FUCA1: variants seen among roughly 807,000 people sequenced by gnomAD.
The protein encoded by FUCA1 is tissue alpha-L-fucosidase.
FUCA1 carries 52 observed loss-of-function variants against 56.8 expected under a neutral mutation model. The observed-to-expected ratio is 0.92, with a 90% CI of 0.73 to 1.15. The LOEUF is 1.15. Ranked by LOEUF, FUCA1 falls within the 50% of genes most tolerant of loss-of-function variation. The pLI is 0.00. For missense variants in FUCA1, 568 were observed against 592.6 expected (o/e 0.96, Z 0.43); for synonymous variants, 230 against 226.6 (o/e 1.02, Z -0.14).
At chr1:23,862,978 G>C (rs138123333) in intron 3 of FUCA1, among the ~76,000 whole-genome samples, 156 bp downstream of exon 3, 1 of 152,186 alleles carries the variant, frequency 6.6e-6, no homozygotes, top group African/African-American at 2.4e-5. Flanking sequence ...CAGGAGGAAA[G>C]AACATATTTT....
At chr1:23,857,343 T>C (rs1570682310) in intron 4 of FUCA1, among the ~76,000 whole-genome samples, 1 of 152,076 alleles carries the variant, frequency 6.6e-6, no homozygotes, top group East Asian at 1.9e-4. Context: ...GTTTCCAAGG[T>C]GAATAAAACA....
chr1:23,851,454 C>T (rs1193782350), intron 5 of FUCA1, among the ~76,000 whole-genome samples: 3 of 152,106 alleles, frequency 2.0e-5, no homozygotes, highest in East Asian at 1.9e-4. Flanking sequence ...AGGACCTCTG[C>T]ACAACTTTCT....
At position 23,854,408 on chromosome 1, in the gene FUCA1, A is replaced by G; in HGVS notation, c.921T>C (p.Arg307=). The change falls in exon 5 of 8, where the codon CGT becomes CGC. Residue 307 remains arginine (R), a synonymous_variant. Transcript: ENST00000374479. ...TAACATCAGACAATGCCATGTCACG[A>G]CGATAGCCCCAGGAAAACTTGTCAA... ...TSIDKFSWGY[R]RDMALSDVTE... 1 of 1,614,022 alleles carries G rather than the reference A, an allele frequency of 6.2e-7. No individual in the cohort carries two copies. Among genetic ancestry groups the G allele is most frequent in the Non-Finnish European group, 8.5e-7 (1 of 1,180,008 alleles).
At chr1:23,853,474 G>A (rs566057984) in intron 5 of FUCA1, among the ~76,000 whole-genome samples, 8 of 150,540 alleles carry the variant, frequency 5.3e-5, no homozygotes, top group African/African-American at 2.4e-5. Context: ...CAGCCGCCCG[G>A]TCCGGGAGGT....
intron 4 of FUCA1, among the ~76,000 whole-genome samples, chr1:23,856,885 G>A (rs1347770399): frequency 6.6e-6 from 1 of 151,926 alleles, no homozygotes; most frequent in African/African-American, 2.4e-5. Context: ...CCAGCTACTC[G>A]GGAGGCTGAG....
intron 4 of FUCA1, among the ~76,000 whole-genome samples, chr1:23,859,097 T>G (rs531182140): frequency 1.3e-5 from 2 of 152,260 alleles, no homozygotes; most frequent in Non-Finnish European, 1.5e-5. Flanking sequence ...GTCTTTTATA[T>G]GTTTTCTTTG....
At chr1:23,853,397 G>T (rs1399184348) in intron 5 of FUCA1, among the ~76,000 whole-genome samples, 24 of 147,584 alleles carry the variant, frequency 1.6e-4, no homozygotes, top group Non-Finnish European at 3.1e-4. Context: ...AGGTGGGGGG[G>T]TCAGCCCCCC....
At chr1:23,858,691 G>GC (rs1639444716) in intron 4 of FUCA1, among the ~76,000 whole-genome samples, 1 of 152,146 alleles carries the variant, frequency 6.6e-6, no homozygotes, top group Non-Finnish European at 1.5e-5. Context: ...GGGATTGTAG[G>GC]CATCTGCATT....
At chr1:23,860,810 C>T (rs1166130449) in intron 3 of FUCA1, among the ~76,000 whole-genome samples, 2 of 151,316 alleles carry the variant, frequency 1.3e-5, no homozygotes, top group Non-Finnish European at 2.9e-5. Context: ...GACTAATTTT[C>T]ATATTTTCAG....
At chr1:23,847,900 T>C (rs1639175171) in intron 6 of FUCA1, among the ~76,000 whole-genome samples, 2 of 152,132 alleles carry the variant, frequency 1.3e-5, no homozygotes, top group Non-Finnish European at 2.9e-5. Context: ...CGGGTGCCTA[T>C]AATCCCAGCT....
intron 5 of FUCA1, among the ~76,000 whole-genome samples, chr1:23,849,949 A>G (rs990974826): frequency 6.6e-6 from 1 of 152,090 alleles, no homozygotes; most frequent in East Asian, 1.9e-4. Flanking sequence ...GACCTTGAAC[A>G]GGTATTATAC....
chr1:23,867,790 G>C lies in FUCA1; in HGVS notation c.389+108C>G. The C allele has an allele frequency of 7.0e-7, 1 of 1,436,694 alleles. No individual in the cohort carries two copies. Among genetic ancestry groups the C allele is most frequent in the South Asian group, 1.5e-5 (1 of 67,530 alleles). The allele number at this position is 1,436,694 out of a possible 1,614,324, so 89.0% of individuals were successfully genotyped here. On this transcript the variant is annotated intron_variant, in intron 1 of 7. Coordinates refer to ENST00000374479, the MANE Select transcript of FUCA1 (RefSeq NM_000147.5). The surrounding 1 kb of genome is among the most constrained non-coding windows in gnomAD (Gnocchi z 4.9). ...CGCAGGAGGCCACACGCGGGCCCCGGGGTCATGGGGGCGACCGGCAGCTGC... is the reference window on the plus strand; with the variant it reads ...CGCAGGAGGCCACACGCGGGCCCCGCGGTCATGGGGGCGACCGGCAGCTGC...
At chr1:23,849,575 CTTTT>C (rs991049814) in intron 5 of FUCA1, among the ~76,000 whole-genome samples, 5 of 80,260 alleles carry the variant, frequency 6.2e-5, no homozygotes, top group African/African-American at 2.1e-4. Flanking sequence ...GAGATACGTT[CTTTT>C]TTTTTTTTTT....
chr1:23,852,071 T>C (rs1203410394), intron 5 of FUCA1, among the ~76,000 whole-genome samples: 1 of 58,794 alleles, frequency 1.7e-5, no homozygotes, highest in East Asian at 5.0e-4. Flanking sequence ...ATATAGTATG[T>C]TAGAAGGTAA....
At position 23,859,800 on chromosome 1, in the gene FUCA1, T is replaced by C. The variant is rs1409544407; in HGVS notation, c.766A>G (p.Lys256Glu). 6.3e-7 allele frequency: 1 copy of C among 1,593,396 alleles called. No homozygotes were observed. The highest frequency in any genetic ancestry group is 1.1e-5 in the South Asian group (1 of 90,606). ...TAAGAAGTCATATAATCACATACCT[T>C]GACAGGGCTGTCATTGTAGAGCCAT... ...LSWLYNDSPV[K>E]DEVVVNDRWG... is the part of the protein sequence containing the mutation. The change falls in exon 4 of 8, where the codon AAG becomes GAG. Residue 256 changes from lysine (K) to glutamate (E), a missense_variant and splice_region_variant. By Grantham distance (56) the Lys-to-Glu change is moderately conservative. Transcript: ENST00000374479.
chr1:23,867,970 A>T lies in FUCA1; in HGVS notation c.317T>A (p.Phe106Tyr). Residue 106 changes from phenylalanine (F) to tyrosine (Y), a missense_variant, in exon 1 of 8, where the codon TTC (phenylalanine) becomes TAC (tyrosine). Coordinates refer to ENST00000374479, the MANE Select transcript of FUCA1 (RefSeq NM_000147.5). The surrounding 1 kb of genome is among the most constrained non-coding windows in gnomAD (Gnocchi z 4.9). Reference protein sequence around the residue: ...NYPPGFSYADFGPQFTARFFH... With the variant: ...NYPPGFSYADYGPQFTARFFH... ...GAAGCGCGCAGTGAACTGCGGTCCG[A>T]AGTCGGCGTAGCTGAAGCCGGGCGG... 1 of 1,593,842 alleles carries T rather than the reference A, an allele frequency of 6.3e-7. No individual in the cohort carries two copies. Among genetic ancestry groups the T allele is most frequent in the Non-Finnish European group, 8.5e-7 (1 of 1,171,548 alleles).
chr1:23,846,151 C>T lies in FUCA1; in HGVS notation c.1183G>A (p.Val395Ile), dbSNP rs1570670906. 2 of 1,613,992 alleles carry T rather than the reference C, an allele frequency of 1.2e-6. No homozygotes were observed. Among genetic ancestry groups the T allele is most frequent in the Non-Finnish European group, 1.7e-6 (2 of 1,179,858 alleles). Reference sequence around the variant, plus strand: ...GGCCAGTGCAGAAAAATGGCATAAACAGCCGATCCCTTTGAGGTATACCTG... The same window carrying T: ...GGCCAGTGCAGAAAAATGGCATAAATAGCCGATCCCTTTGAGGTATACCTG... ...SVWYTSKGSA[V>I]YAIFLHWPEN... Residue 395 changes from valine to isoleucine, a missense_variant, in exon 7 of 8, where the codon GTT becomes ATT. Transcript: ENST00000374479.
intron 3 of FUCA1, among the ~76,000 whole-genome samples, chr1:23,861,255 G>A (rs1025926048): frequency 1.3e-5 from 2 of 149,530 alleles, no homozygotes; most frequent in South Asian, 2.1e-4. Context: ...CCCGGGAGGC[G>A]GAGCTTGCAG....
At chr1:23,865,466 A>T in intron 2 of FUCA1, 25 bp downstream of exon 2, 1 of 1,614,064 alleles carries the variant, frequency 6.2e-7, no homozygotes, top group Admixed American at 1.7e-5. Context: ...AAGAGATAAC[A>T]GAGTAACCAT....
Sources: gnomAD v4.1 joint callset for allele counts (sites outside exome capture counted in the v4.1 genomes callset) on GRCh38, gnomAD v4.1.1 for gene constraint, Gnocchi (gnomAD v3.1) non-coding constraint, MANE v1.5 for transcripts, NCBI Gene and HGNC (gene_info 2026-07-23, HGNC 2026-07-21) for gene names.